Variants in GSN observed in about 807,000 individuals in gnomAD.
The protein encoded by GSN is actin-depolymerizing factor.
GSN carries 56 observed loss-of-function variants against 85.7 expected under a neutral mutation model. That is an observed-to-expected ratio of 0.65 (90% CI 0.53 to 0.82). GSN has a LOEUF of 0.82. Among genes scored for constraint, GSN ranks in the 40% least tolerant of loss-of-function variants. The probability of loss-of-function intolerance (pLI) is 0.00; values close to 1 mark genes in which losing one functional copy is unlikely to be tolerated. For missense variants in GSN, 857 were observed against 979.8 expected, an observed-to-expected ratio of 0.87 and a Z score of 1.67; for synonymous variants, 373 against 399.1, an observed-to-expected ratio of 0.93 and a Z score of 0.78.
intron 5 of GSN, among the ~76,000 whole-genome samples, chr9:121,234,265 C>A (rs2054449695): frequency 1.3e-5 from 2 of 152,206 alleles, no homozygotes; most frequent in African/African-American, 4.8e-5. Flanking sequence ...ATGCACCCAG[C>A]TCTAAATTCT....
intron 1 of GSN, among the ~76,000 whole-genome samples, chr9:121,269,206 A>C (rs1275343401): frequency 6.6e-6 from 1 of 152,158 alleles, no homozygotes; most frequent in Non-Finnish European, 1.5e-5. Flanking sequence ...CTTTTCAAAC[A>C]CTTAATCCTG....
chr9:121,325,201 T>TG (rs1297034180), intron 12 of GSN, among the ~76,000 whole-genome samples: 1 of 152,216 alleles, frequency 6.6e-6, no homozygotes, highest in Non-Finnish European at 1.5e-5. Context: ...ATATAAGAAG[T>TG]GCCCCCTTAT....
At chr9:121,293,969 GC>G (rs2058961678) in intron 2 of GSN, among the ~76,000 whole-genome samples, 1 of 64,118 alleles carries the variant, frequency 1.6e-5, no homozygotes, top group Non-Finnish European at 5.2e-5. Flanking sequence ...CTTGCTCAAA[GC>G]CACACTGCTA....
chr9:121,313,590 C>A (rs1042123497), intron 6 of GSN: 19 of 367,900 alleles, frequency 5.2e-5, no homozygotes, highest in Middle Eastern at 8.9e-4. Context: ...CCTGGCCTGG[C>A]TGCGAGGATG....
chr9:121,270,865 T>C (rs1323366945), intron 1 of GSN, among the ~76,000 whole-genome samples: 1 of 152,140 alleles, frequency 6.6e-6, no homozygotes, highest in East Asian at 1.9e-4. Context: ...TGGTTTTCTT[T>C]AAGAAAACTT....
At chr9:121,287,035 C>T (rs1564427782) in intron 2 of GSN, among the ~76,000 whole-genome samples, 1 of 152,070 alleles carries the variant, frequency 6.6e-6, no homozygotes, top group Non-Finnish European at 1.5e-5. Context: ...CTATCTAGGG[C>T]CCCACACAAG....
rs1172983969 is a variant in GSN, at chr9:121,299,814, G to A, written c.-9-2149G>A. 21 of 1,299,040 alleles carry A rather than the reference G, an allele frequency of 1.6e-5. No homozygotes were observed. The highest frequency in any genetic ancestry group is 2.0e-5 in the Non-Finnish European group (20 of 1,017,446). 80.5% of individuals were successfully genotyped at this position (1,299,040 alleles called of 1,614,324 possible). ...GGGCGGGCGGCTACTTAAGGTCGGC[G>A]ACCCGAGGCCGCGGCTGCCGACTGG... On this transcript the variant is annotated intron_variant, in intron 2 of 17. Coordinates refer to ENST00000432226, the MANE Select transcript of GSN (RefSeq NM_198252.3). This position sits in a 1 kb window ranked among gnomAD's most constrained non-coding sequence, Gnocchi z 4.2.
chr9:121,323,901 C>T (rs1281563528), intron 11 of GSN, among the ~76,000 whole-genome samples: 2 of 152,148 alleles, frequency 1.3e-5, no homozygotes, highest in Non-Finnish European at 2.9e-5. Flanking sequence ...ATAACACATT[C>T]ACCTGGTACA....
chr9:121,233,270 C>T (rs2054429519), intron 5 of GSN, among the ~76,000 whole-genome samples: 2 of 152,034 alleles, frequency 1.3e-5, no homozygotes, highest in Non-Finnish European at 2.9e-5. Flanking sequence ...TCAAGACCAG[C>T]CTGATTAACA....
chr9:121,225,089 G>T (rs541876343), intron 4 of GSN, among the ~76,000 whole-genome samples: 18 of 152,272 alleles, frequency 1.2e-4, no homozygotes, highest in African/African-American at 4.3e-4. Context: ...AAAGTGCTGG[G>T]ATTACAGGCA....
chr9:121,268,125 C>A, upstream of GSN: 1 of 151,864 alleles, frequency 6.6e-6, no homozygotes, highest in South Asian at 1.9e-4. Context: ...CTGCCCACCC[C>A]GGCCGCGCGC....
At chr9:121,278,397 C>T (rs1258009192) in intron 1 of GSN, among the ~76,000 whole-genome samples, 1 of 152,170 alleles carries the variant, frequency 6.6e-6, no homozygotes, top group Non-Finnish European at 1.5e-5. Flanking sequence ...TCTGAAGGCC[C>T]TCCCAATGAA....
chr9:121,252,497 C>A (rs539258841), intron 6 of GSN, among the ~76,000 whole-genome samples: 1 of 152,332 alleles, frequency 6.6e-6, no homozygotes, highest in South Asian at 2.1e-4. Flanking sequence ...TACCTACTTT[C>A]CACATTTCCT....
intron 4 of GSN, among the ~76,000 whole-genome samples, chr9:121,214,994 G>A (rs1468548209): frequency 1.3e-5 from 2 of 152,160 alleles, no homozygotes; most frequent in Non-Finnish European, 2.9e-5. Context: ...GAGGCTGGAA[G>A]TCCAAAATCA....
At chr9:121,258,342 A>G (rs574113897) in intron 6 of GSN, among the ~76,000 whole-genome samples, 2 of 152,208 alleles carry the variant, frequency 1.3e-5, no homozygotes, top group Non-Finnish European at 2.9e-5. Context: ...GTGTGCCTGT[A>G]ATCTCAGCTA....
At chr9:121,286,817 C>A in intron 2 of GSN, 1 of 1,386,454 alleles carries the variant, frequency 7.2e-7, no homozygotes, top group Non-Finnish European at 9.9e-7. Flanking sequence ...ACTTCAGAGT[C>A]AGACAGCCCT....
intron 4 of GSN, chr9:121,222,314 T>G (rs1287686797): frequency 1.3e-5 from 2 of 152,212 alleles, no homozygotes; most frequent in Admixed American, 1.3e-4. Flanking sequence ...GAAATAGTTA[T>G]AATTTTTAAA....
chr9:121,263,413 C>G (rs1425800839), upstream of GSN, among the ~76,000 whole-genome samples: 1 of 152,130 alleles, frequency 6.6e-6, no homozygotes, highest in African/African-American at 2.4e-5. Context: ...CATTTTCACA[C>G]TGCTATAAAG....
intron 10 of GSN, among the ~76,000 whole-genome samples, chr9:121,319,305 G>A (rs997154103): frequency 2.0e-5 from 3 of 151,924 alleles, no homozygotes; most frequent in Admixed American, 6.5e-5. Flanking sequence ...TTCCAGGAGG[G>A]ACTCGCTATG....
Sources: allele counts gnomAD v4.1 joint callset (sites outside exome capture counted in the v4.1 genomes callset), GRCh38; gene constraint gnomAD v4.1.1; non-coding constraint Gnocchi (gnomAD v3.1); transcripts MANE v1.5; gene names NCBI Gene and HGNC (gene_info 2026-07-23, HGNC 2026-07-21).